Variants in PPM1E observed in about 807,000 individuals in gnomAD.
PPM1E encodes the protein protein phosphatase 1E.
In PPM1E, 20 loss-of-function variants were observed where a neutral mutation model predicts 65.9. The ratio of observed to expected loss-of-function variants is 0.30; its 90% CI spans 0.21 to 0.44. The LOEUF (loss-of-function observed/expected upper bound fraction) is 0.44. Ranked by LOEUF, PPM1E falls within the 20% of genes least tolerant of loss-of-function variation. The pLI, the probability that PPM1E is intolerant of heterozygous loss-of-function variation, is 1.00. For missense variants in PPM1E, 713 were observed against 953.1 expected, an observed-to-expected ratio of 0.75 and a Z score of 3.32; for synonymous variants, 352 against 374.9, an observed-to-expected ratio of 0.94 and a Z score of 0.70.
chr17:58,816,547 T>G (rs1447123388), intron 1 of PPM1E, among the ~76,000 whole-genome samples: 1 of 150,960 alleles, frequency 6.6e-6, no homozygotes, highest in African/African-American at 2.4e-5. Context: ...TAACTTTCCA[T>G]TTCTTCCTTC....
At chr17:58,954,793 T>C (rs890189650) in intron 1 of PPM1E, among the ~76,000 whole-genome samples, 1 of 144,556 alleles carries the variant, frequency 6.9e-6, no homozygotes, top group Non-Finnish European at 1.5e-5. Flanking sequence ...CATGAGAAAA[T>C]AGTTTGAACC....
chr17:58,808,647 A>G (rs180879295), intron 1 of PPM1E, among the ~76,000 whole-genome samples: 91 of 152,256 alleles, frequency 6.0e-4, no homozygotes, highest in African/African-American at 1.7e-3. Context: ...TTGAGGTACA[A>G]TTTACATACC....
At chr17:58,763,408 C>T (rs2049842552) in intron 1 of PPM1E, among the ~76,000 whole-genome samples, 1 of 152,072 alleles carries the variant, frequency 6.6e-6, no homozygotes, top group South Asian at 2.1e-4. Context: ...GAATTCAAGT[C>T]ATATGACACC....
intron 1 of PPM1E, among the ~76,000 whole-genome samples, chr17:58,860,183 A>T (rs2143297694): frequency 1.3e-5 from 2 of 152,326 alleles, no homozygotes; most frequent in Middle Eastern, 6.8e-3. Flanking sequence ...ACCCAAAGAG[A>T]TTGTAAATAG....
intron 1 of PPM1E, among the ~76,000 whole-genome samples, chr17:58,865,915 CAAAG>C (rs1489499627): frequency 6.6e-6 from 1 of 152,106 alleles, no homozygotes; most frequent in Non-Finnish European, 1.5e-5. Context: ...TTTGCTGAGA[CAAAG>C]AAGGCCATAG....
intron 1 of PPM1E, among the ~76,000 whole-genome samples, chr17:58,815,122 AAAAACTATCTT>A (rs1201540189): frequency 6.6e-6 from 1 of 152,224 alleles, no homozygotes; most frequent in Non-Finnish European, 1.5e-5. Flanking sequence ...GTAGGGAAAT[AAAAACTATCTT>A]TTACCAGATT....
chr17:58,890,466 G>A (rs958823114), intron 1 of PPM1E, among the ~76,000 whole-genome samples: 4 of 152,198 alleles, frequency 2.6e-5, no homozygotes, highest in African/African-American at 9.6e-5. Context: ...TTTGACCTGA[G>A]CTGGGAATGT....
At position 58,985,084 on chromosome 17, in the gene PPM1E, G is replaced by A. The variant is rs1318605290; in HGVS notation, c.*4053G>A. 6.6e-6 allele frequency: 1 copy of A among 152,618 alleles called. No individual in the cohort carries two copies. The highest frequency in any genetic ancestry group is 1.5e-5 in the Non-Finnish European group (1 of 68,036). The allele number at this position is 152,618 out of a possible 1,614,324, so 9.5% of individuals were successfully genotyped here. Reference sequence around the variant, plus strand: ...CTTTTGAGTTCAGTTGTAGTCATGAGTGATCCTTCATATTTTATTAAAAGT... The same window carrying A: ...CTTTTGAGTTCAGTTGTAGTCATGAATGATCCTTCATATTTTATTAAAAGT... On this transcript the variant is annotated 3_prime_UTR_variant, in exon 7 of 7. Transcript: ENST00000308249.
intron 1 of PPM1E, among the ~76,000 whole-genome samples, chr17:58,941,578 AGCTACTCGGGAGGCTGAG>A (rs1319326242): frequency 1.3e-5 from 2 of 151,320 alleles, no homozygotes; most frequent in African/African-American, 4.9e-5. Flanking sequence ...CTGTAGTCCC[AGCTACTCGGGAGGCTGAG>A]GCAGGAGAAT....
At chr17:58,966,064 C>A in intron 3 of PPM1E, 171 bp downstream of exon 3, 1 of 669,200 alleles carries the variant, frequency 1.5e-6, no homozygotes, top group Non-Finnish European at 2.5e-6. Context: ...AACTATTTTA[C>A]GTTCTTTTGA....
intron 1 of PPM1E, among the ~76,000 whole-genome samples, chr17:58,786,015 CTTTT>C (rs199866066): frequency 7.2e-6 from 1 of 139,076 alleles, no homozygotes. Flanking sequence ...CACCTTTTCA[CTTTT>C]TTTTTTTTTT....
In PPM1E at chr17:58,982,569, A is replaced by AAAG. The variant is rs1276081482; in HGVS notation, c.*1540_*1542dup. The stretch of plus-strand genomic sequence containing the variant: ...CAGAGGACTAAAATCTCTGAATTTT[A>AAAG]AAGACACAGATGACTGGCATATTTT... On this transcript the variant is annotated 3_prime_UTR_variant, in exon 7 of 7. Coordinates refer to ENST00000308249, the MANE Select transcript of PPM1E (RefSeq NM_014906.5). 1 of 247,298 alleles carries AAAG rather than the reference A, an allele frequency of 4.0e-6. No individual in the cohort carries two copies. Among genetic ancestry groups the AAAG allele is most frequent in the Non-Finnish European group, 7.8e-6 (1 of 127,440 alleles). 15.3% of individuals were successfully genotyped at this position (247,298 alleles called of 1,614,324 possible).
rs1338458031 is a variant in PPM1E, at chr17:58,980,655, A to G, written c.1892A>G (p.Asn631Ser). ...GCTGGAGAGTTTCCCACTGCTTTCA[A>G]TTTGGGTTCAACAGGGGAGCAGATA... Reference protein sequence around the residue: ...SGAGEFPTAFNLGSTGEQIYR... With the variant: ...SGAGEFPTAFSLGSTGEQIYR... Residue 631 changes from asparagine (N) to serine (S), a missense_variant, in exon 7 of 7, where the codon AAT becomes AGT. Asn to Ser is a conservative substitution (Grantham distance 46, BLOSUM62 1). This residue lies in a region of PPM1E where 286 missense variants were observed against 313.8 expected (regional missense o/e 0.91). Transcript: ENST00000308249. The surrounding 1 kb of genome is among the most constrained non-coding windows in gnomAD (Gnocchi z 4.7). 2.2e-5 allele frequency: 35 copies of G among 1,614,054 alleles called. 1 individual carries two copies. Among genetic ancestry groups the G allele is most frequent in the East Asian group, 2.0e-4 (9 of 44,888 alleles).
At position 58,982,252 on chromosome 17, in the gene PPM1E, T is replaced by C. The variant is rs1299980132; in HGVS notation, c.*1221T>C. 6.6e-6 allele frequency: 1 copy of C among 152,560 alleles called. No homozygotes were observed. The highest frequency in any genetic ancestry group is 1.5e-5 in the Non-Finnish European group (1 of 68,062). The allele number at this position is 152,560 out of a possible 1,614,324, so 9.5% of individuals were successfully genotyped here. A position where few individuals can be genotyped will look rare whatever the true frequency, so the allele number is the denominator to read the frequency against. ...TCAATATTTAGTTATATTTGATATT[T>C]TGAAACTGTCTGCTTTTTGCTATTT... On this transcript the variant is annotated 3_prime_UTR_variant, in exon 7 of 7. Transcript: ENST00000308249.
chr17:58,910,946 A>AT (rs1671389209), intron 1 of PPM1E, among the ~76,000 whole-genome samples: 1 of 151,880 alleles, frequency 6.6e-6, no homozygotes, highest in South Asian at 2.1e-4. Context: ...TCATGAGGGG[A>AT]TTTTTTTCTG....
intron 1 of PPM1E, among the ~76,000 whole-genome samples, chr17:58,917,008 G>A (rs1316047122): frequency 1.3e-5 from 2 of 151,996 alleles, no homozygotes; most frequent in East Asian, 1.9e-4. Flanking sequence ...CCAGGAGTGT[G>A]AGACCAGCCG....
At chr17:58,773,571 T>C (rs1276924122) in intron 1 of PPM1E, among the ~76,000 whole-genome samples, 1 of 152,150 alleles carries the variant, frequency 6.6e-6, no homozygotes, top group Non-Finnish European at 1.5e-5. Context: ...TTATAAGTCA[T>C]TTATATGCAT....
At chr17:58,776,108 T>G (rs2049991769) in intron 1 of PPM1E, among the ~76,000 whole-genome samples, 1 of 152,150 alleles carries the variant, frequency 6.6e-6, no homozygotes, top group African/African-American at 2.4e-5. Flanking sequence ...GAGGATTGCT[T>G]GAGCCCAGGA....
intron 1 of PPM1E, among the ~76,000 whole-genome samples, chr17:58,931,489 A>G (rs1376278578): frequency 2.6e-5 from 4 of 152,178 alleles, no homozygotes; most frequent in Admixed American, 6.6e-5. Flanking sequence ...ACTTGAATCT[A>G]TAGATTGAGA....
Sources: gnomAD v4.1 joint callset for allele counts (sites outside exome capture counted in the v4.1 genomes callset) on GRCh38, gnomAD v4.1.1 for gene constraint, gnomAD v4.1.1 regional missense constraint, Gnocchi (gnomAD v3.1) non-coding constraint, MANE v1.5 for transcripts, NCBI Gene and HGNC (gene_info 2026-07-23, HGNC 2026-07-21) for gene names.